FGF12: variants seen among roughly 807,000 people sequenced by gnomAD.
FGF12 encodes fibroblast growth factor 12, also known as fibroblast growth factor 12B.
In FGF12, 14 loss-of-function variants were observed where a neutral mutation model predicts 23.6. The ratio of observed to expected loss-of-function variants is 0.59; its 90% CI spans 0.39 to 0.93. FGF12 has a LOEUF of 0.93. Ranked by LOEUF, FGF12 falls within the 40% of genes least tolerant of loss-of-function variation. The pLI is 0.00. For synonymous variants in FGF12, 62 were observed against 77.3 expected, an observed-to-expected ratio of 0.80 and a Z score of 1.04; for missense variants, 175 against 217.8, an observed-to-expected ratio of 0.80 and a Z score of 1.24.
chr3:192,694,653 TA>T (rs1718056033), intron 2 of FGF12, among the ~76,000 whole-genome samples: 1 of 151,588 alleles, frequency 6.6e-6, no homozygotes, highest in Non-Finnish European at 1.5e-5. Flanking sequence ...TATATACATA[TA>T]TATGTACACA....
intron 4 of FGF12, among the ~76,000 whole-genome samples, chr3:192,301,539 A>C (rs1185612349): frequency 6.6e-6 from 1 of 152,192 alleles, no homozygotes. Context: ...GCATTAGTTA[A>C]GTGAGTAAGA....
At chr3:192,158,356 T>TTCTTTC (rs1221046672) in intron 5 of FGF12, among the ~76,000 whole-genome samples, 2 of 112,292 alleles carry the variant, frequency 1.8e-5, no homozygotes, top group African/African-American at 8.0e-5. Context: ...CTTTCTTTCT[T>TTCTTTC]TCTTTCTTTC....
At chr3:192,351,796 G>C (rs1718231122) in intron 3 of FGF12, among the ~76,000 whole-genome samples, 1 of 152,162 alleles carries the variant, frequency 6.6e-6, no homozygotes, top group African/African-American at 2.4e-5. Flanking sequence ...AAATACAGCA[G>C]AGTGAAGTGA....
At chr3:192,471,834 T>C (rs995784696) in intron 2 of FGF12, among the ~76,000 whole-genome samples, 4 of 152,222 alleles carry the variant, frequency 2.6e-5, no homozygotes, top group African/African-American at 7.2e-5. Flanking sequence ...GAATACAGTG[T>C]GTTCAAGGAT....
At chr3:192,258,411 T>C (rs1276649648) in intron 4 of FGF12, among the ~76,000 whole-genome samples, 1 of 152,144 alleles carries the variant, frequency 6.6e-6, no homozygotes, top group Non-Finnish European at 1.5e-5. Context: ...TGAGCTGAAA[T>C]CACACTACTG....
intron 2 of FGF12, among the ~76,000 whole-genome samples, chr3:192,371,031 G>C (rs78853934): frequency 1.6e-4 from 24 of 152,224 alleles, no homozygotes; most frequent in African/African-American, 5.5e-4. Context: ...GTTTGACACT[G>C]GTCAACCTCA....
intron 2 of FGF12, among the ~76,000 whole-genome samples, chr3:192,576,237 C>G (rs1712877338): frequency 6.6e-6 from 1 of 152,172 alleles, no homozygotes; most frequent in South Asian, 2.1e-4. Context: ...CCATCTCTCA[C>G]TTTATAATAT....
rs946346874 is a variant in FGF12, at chr3:192,368,666, G to GT, written c.14-8129dup. ...TGTGGCTGCCAATTTTGTTAATAAAGTTTTTTTTTTCATTTTCTTGCTCAT... is the reference window on the plus strand; with the variant it reads ...TGTGGCTGCCAATTTTGTTAATAAAGTTTTTTTTTTTCATTTTCTTGCTCAT... On this transcript the variant is annotated intron_variant, in intron 2 of 5. Transcript: ENST00000445105. Among the ~76,000 whole-genome samples the GT allele has an allele frequency of 1.4e-3, 214 of 149,578 alleles. 1 individual carries two copies. The Middle Eastern group carries it at 0.017, about 12-fold the overall frequency.
At chr3:192,653,673 C>T (rs1324581596) in intron 2 of FGF12, among the ~76,000 whole-genome samples, 1 of 149,844 alleles carries the variant, frequency 6.7e-6, no homozygotes, top group Non-Finnish European at 1.5e-5. Context: ...TTCATTAAAC[C>T]AAAATAAATA....
intron 2 of FGF12, among the ~76,000 whole-genome samples, chr3:192,683,514 T>C (rs1389271212): frequency 6.6e-6 from 1 of 152,134 alleles, no homozygotes; most frequent in Non-Finnish European, 1.5e-5. Flanking sequence ...ATGAATGACA[T>C]AAAAAATTGT....
chr3:192,652,471 G>A (rs1180723608), intron 2 of FGF12, among the ~76,000 whole-genome samples: 2 of 152,162 alleles, frequency 1.3e-5, no homozygotes, highest in African/African-American at 4.8e-5. Context: ...CCAGCCCTGA[G>A]GCAGCAAAGT....
At chr3:192,268,026 A>C (rs1194100072) in intron 4 of FGF12, among the ~76,000 whole-genome samples, 2 of 152,176 alleles carry the variant, frequency 1.3e-5, no homozygotes, top group African/African-American at 4.8e-5. Flanking sequence ...CAAGGGATGG[A>C]TATCTCAGAT....
At chr3:192,481,304 TA>T (rs11425230) in intron 2 of FGF12, among the ~76,000 whole-genome samples, 29 of 152,170 alleles carry the variant, frequency 1.9e-4, no homozygotes, top group Non-Finnish European at 7.4e-5. Flanking sequence ...TTGGATGGTT[TA>T]AAAAAATGCA....
Position 192,213,517 on chromosome 3 carries a change from T to G in FGF12, c.229-42861A>C, listed in dbSNP as rs57239899. On this transcript the variant is annotated intron_variant, in intron 4 of 5. Coordinates refer to ENST00000445105, the MANE Select transcript of FGF12 (RefSeq NM_004113.6). ...AGCCATTTCCAGAGTAAGTATTATT[T>G]TTCCACTATAGTGATGATGATACAG... Among the ~76,000 whole-genome samples the G allele has an allele frequency of 6.4e-4, 97 of 152,294 alleles. 1 individual carries two copies. The highest frequency in any genetic ancestry group is 2.1e-3 in the African/African-American group (89 of 41,558).
At chr3:192,283,428 A>G (rs551997636) in intron 4 of FGF12, among the ~76,000 whole-genome samples, 13 of 152,274 alleles carry the variant, frequency 8.5e-5, no homozygotes, top group African/African-American at 3.1e-4. Flanking sequence ...AAGGTTGAGC[A>G]CAGGCATTTA....
At chr3:192,636,015 C>T (rs1396172047) in intron 2 of FGF12, among the ~76,000 whole-genome samples, 5 of 152,172 alleles carry the variant, frequency 3.3e-5, no homozygotes, top group Non-Finnish European at 7.4e-5. Context: ...ACACTAGCTA[C>T]CCGAAACACT....
At chr3:192,494,333 CT>C (rs570887342) in intron 2 of FGF12, among the ~76,000 whole-genome samples, 1 of 152,340 alleles carries the variant, frequency 6.6e-6, no homozygotes, top group South Asian at 2.1e-4. Context: ...ATAACAGTCA[CT>C]GCAAAGTTGA....
At chr3:192,484,226 C>T (rs1723563780) in intron 2 of FGF12, among the ~76,000 whole-genome samples, 1 of 151,156 alleles carries the variant, frequency 6.6e-6, no homozygotes, top group South Asian at 2.1e-4. Context: ...CTATTATCAC[C>T]ACTTAGGTGC....
At chr3:192,276,562 G>A (rs1713802368) in intron 4 of FGF12, among the ~76,000 whole-genome samples, 1 of 152,104 alleles carries the variant, frequency 6.6e-6, no homozygotes, top group Non-Finnish European at 1.5e-5. Flanking sequence ...ACCCCCAACT[G>A]AAGGCCTCAG....
Sources: allele counts gnomAD v4.1 joint callset (sites outside exome capture counted in the v4.1 genomes callset), GRCh38; gene constraint gnomAD v4.1.1; transcripts MANE v1.5; gene names NCBI Gene and HGNC (gene_info 2026-07-23, HGNC 2026-07-21).